TCF7L2: variants seen among roughly 807,000 people sequenced by gnomAD.
The protein encoded by TCF7L2 is transcription factor 7 like 2.
TCF7L2 carries 23 observed loss-of-function variants against 77.9 expected under a neutral mutation model. The observed-to-expected ratio is 0.30, with a 90% CI of 0.21 to 0.42. The LOEUF (loss-of-function observed/expected upper bound fraction) is 0.42. TCF7L2 is among the 10% of genes least tolerant of loss of function. TCF7L2 has a pLI of 1.00. For synonymous variants in TCF7L2, 413 were observed against 340.2 expected (o/e 1.21, Z -2.36); for missense variants, 654 against 793.1 (o/e 0.82, Z 2.11).
chr10:113,118,654 GT>G (rs56402955), intron 5 of TCF7L2, among the ~76,000 whole-genome samples: 26,952 of 127,880 alleles, frequency 0.21, 2,781 homozygotes, highest in Middle Eastern at 0.36. Context: ...TTTTTTTTTT[GT>G]TTTTTTTTGT....
At chr10:112,990,240 A>G (rs2042285073) in intron 4 of TCF7L2, among the ~76,000 whole-genome samples, 1 of 152,158 alleles carries the variant, frequency 6.6e-6, no homozygotes, top group African/African-American at 2.4e-5. Context: ...GCTTAGACAC[A>G]TGAATTATTT....
rs144049016 is a variant in TCF7L2 at position 112,991,590 on chromosome 10, C to T, written c.450+26966C>T. The stretch of plus-strand genomic sequence containing the variant: ...GAGCCATGGGGTGAGTCTCTGCCAC[C>T]GCCAAGGGGAGTCAGGCTCAGAGGC... On this transcript the variant is annotated intron_variant, in intron 4 of 13. Transcript: ENST00000627217. Among the ~76,000 whole-genome samples, 1,296 of 151,730 alleles carry T rather than the reference C, an allele frequency of 8.5e-3. 6 individuals are homozygous for T. The highest frequency in any genetic ancestry group is 0.01 in the African/African-American group (423 of 41,100).
In TCF7L2 at chr10:113,093,093, G is replaced by A. The variant is rs188302977; in HGVS notation, c.553-48091G>A. Among the ~76,000 whole-genome samples the A allele has an allele frequency of 1.9e-3, 285 of 152,220 alleles. 1 individual carries two copies. Among genetic ancestry groups the A allele is most frequent in the Middle Eastern group, 3.4e-3 (1 of 294 alleles). ...CAGGCGGTGGTCATGGGATATTCCC[G>A]CAGTCTGCTCCACTGGGTACCTACA... On this transcript the variant is annotated intron_variant, in intron 5 of 13. Transcript: ENST00000627217.
At chr10:113,073,456 A>G (rs1298767431) in intron 5 of TCF7L2, among the ~76,000 whole-genome samples, 1 of 143,540 alleles carries the variant, frequency 7.0e-6, no homozygotes, top group Non-Finnish European at 1.5e-5. Flanking sequence ...ACTTGAGCCC[A>G]GAAGTTTCAG....
chr10:113,063,162 T>C (rs2056745463), intron 5 of TCF7L2, among the ~76,000 whole-genome samples: 1 of 152,162 alleles, frequency 6.6e-6, no homozygotes, highest in African/African-American at 2.4e-5. Context: ...TAAGCCCTAC[T>C]TCAAGAAATA....
At chr10:113,142,558 G>A (rs925256377) in intron 6 of TCF7L2, among the ~76,000 whole-genome samples, 2 of 152,204 alleles carry the variant, frequency 1.3e-5, no homozygotes, top group Admixed American at 6.5e-5. Context: ...TTGTTAGAGG[G>A]GATTGGTAGT....
intron 5 of TCF7L2, among the ~76,000 whole-genome samples, chr10:113,046,845 T>C (rs1257998073): frequency 1.3e-5 from 2 of 152,226 alleles, no homozygotes; most frequent in African/African-American, 2.4e-5. Context: ...TTTAGAAATA[T>C]ACCAAATTAT....
At chr10:113,095,912 G>A (rs926052841) in intron 5 of TCF7L2, among the ~76,000 whole-genome samples, 11 of 152,028 alleles carry the variant, frequency 7.2e-5, no homozygotes, top group African/African-American at 2.2e-4. Context: ...TTCCCCTTTC[G>A]TCGTGAGTCA....
At chr10:112,993,715 G>T (rs553909463) in intron 4 of TCF7L2, among the ~76,000 whole-genome samples, 10 of 152,244 alleles carry the variant, frequency 6.6e-5, no homozygotes, top group Admixed American at 5.2e-4. Context: ...GACACCTCTT[G>T]CCTCGCAAGC....
intron 5 of TCF7L2, among the ~76,000 whole-genome samples, chr10:113,105,306 T>C (rs1278191095): frequency 6.6e-6 from 1 of 152,128 alleles, no homozygotes; most frequent in African/African-American, 2.4e-5. Context: ...CGAAGTCGGC[T>C]CCCATTGGGC....
intron 3 of TCF7L2, among the ~76,000 whole-genome samples, chr10:112,954,819 T>G (rs1265782215): frequency 6.6e-6 from 1 of 152,252 alleles, no homozygotes; most frequent in African/African-American, 2.4e-5. Context: ...TCTTCTCTTA[T>G]CCAAAGTTAT....
intron 4 of TCF7L2, among the ~76,000 whole-genome samples, chr10:112,966,446 G>C (rs550590145): frequency 6.6e-6 from 1 of 151,902 alleles, no homozygotes; most frequent in Non-Finnish European, 1.5e-5. Context: ...TTAGGTGCGG[G>C]ACTTGGTTAG....
At chr10:113,147,916 G>A (rs1030486405) in intron 8 of TCF7L2, among the ~76,000 whole-genome samples, 16 of 152,134 alleles carry the variant, frequency 1.1e-4, no homozygotes, top group Admixed American at 1.0e-3. Flanking sequence ...TCAAGGTGCG[G>A]GGAGAGGCGG....
intron 4 of TCF7L2, among the ~76,000 whole-genome samples, chr10:113,021,145 CAT>C (rs911032964): frequency 3.9e-5 from 6 of 152,184 alleles, no homozygotes; most frequent in Non-Finnish European, 8.8e-5. Flanking sequence ...GTGAGACAAA[CAT>C]GTTTCCTGCC....
At chr10:113,150,946 C>T (rs1564967973) in intron 8 of TCF7L2, 52 bp from the exon 9 acceptor site, 1 of 1,611,192 alleles carries the variant, frequency 6.2e-7, no homozygotes, top group Non-Finnish European at 8.5e-7. Flanking sequence ...ACACATCCCT[C>T]CTCATTCATT....
chr10:113,060,284 T>C (rs1489923180), intron 5 of TCF7L2, among the ~76,000 whole-genome samples: 1 of 152,232 alleles, frequency 6.6e-6, no homozygotes, highest in Non-Finnish European at 1.5e-5. Flanking sequence ...TTGAATTTAC[T>C]TGATTCGAGA....
intron 4 of TCF7L2, among the ~76,000 whole-genome samples, chr10:113,018,511 G>C (rs1321885930): frequency 1.4e-5 from 2 of 146,714 alleles, no homozygotes; most frequent in Non-Finnish European, 3.0e-5. Flanking sequence ...GCAGTGACGC[G>C]GTCTCGGCTC....
At chr10:113,136,450 G>A (rs1017505296) in intron 5 of TCF7L2, among the ~76,000 whole-genome samples, 2 of 152,172 alleles carry the variant, frequency 1.3e-5, no homozygotes, top group Non-Finnish European at 2.9e-5. Flanking sequence ...TTGTGGCTCG[G>A]AGAATCCGTT....
intron 4 of TCF7L2, among the ~76,000 whole-genome samples, chr10:112,986,687 T>C (rs1227042133): frequency 6.6e-6 from 1 of 152,184 alleles, no homozygotes; most frequent in Non-Finnish European, 1.5e-5. Context: ...TAAGAGGATG[T>C]ATTAGAGCAT....
Sources: gnomAD v4.1 joint callset for allele counts (sites outside exome capture counted in the v4.1 genomes callset) on GRCh38, gnomAD v4.1.1 for gene constraint, MANE v1.5 for transcripts, NCBI Gene and HGNC (gene_info 2026-07-23, HGNC 2026-07-21) for gene names.